The following FRS2 variants were observed in gnomAD, a reference collection of about 807,000 sequenced individuals.
FRS2 encodes the protein fibroblast growth factor receptor substrate 2.
FRS2 carries 8 observed loss-of-function variants against 43.9 expected under a neutral mutation model. The ratio of observed to expected loss-of-function variants is 0.18; its 90% CI spans 0.11 to 0.33. FRS2 has a LOEUF of 0.33. Among genes scored for constraint, FRS2 ranks in the 10% least tolerant of loss-of-function variants. The pLI is 1.00. For synonymous variants in FRS2, 219 were observed against 220.3 expected (o/e 0.99, Z 0.05); for missense variants, 534 against 627.6 (o/e 0.85, Z 1.59).
chr12:69,527,872 T>C (rs1876414092), intron 1 of FRS2, among the ~76,000 whole-genome samples: 1 of 152,222 alleles, frequency 6.6e-6, no homozygotes, highest in Non-Finnish European at 1.5e-5. Context: ...GATTTGAACA[T>C]TAAATTTCAT....
intron 1 of FRS2, among the ~76,000 whole-genome samples, chr12:69,520,631 A>T (rs1386617702): frequency 6.6e-5 from 10 of 152,150 alleles, no homozygotes; most frequent in Non-Finnish European, 4.4e-5. Context: ...AGTCTTCTGC[A>T]TATGGCTATC....
At chr12:69,474,779 C>G (rs1870617843) in intron 1 of FRS2, among the ~76,000 whole-genome samples, 2 of 152,184 alleles carry the variant, frequency 1.3e-5, no homozygotes. Flanking sequence ...AAGCAAATCT[C>G]TGATACAGTA....
At chr12:69,513,152 T>C (rs572740462) in intron 1 of FRS2, among the ~76,000 whole-genome samples, 1,076 of 18,830 alleles carry the variant, frequency 0.057, 16 homozygotes, top group African/African-American at 0.36. Context: ...TTGGAGTTTG[T>C]TTTTTTTTTT....
At chr12:69,538,645 A>C (rs1877574070) in intron 3 of FRS2, among the ~76,000 whole-genome samples, 1 of 152,176 alleles carries the variant, frequency 6.6e-6, no homozygotes, top group Non-Finnish European at 1.5e-5. Context: ...CATTTGAATT[A>C]AGATGGATTC....
chr12:69,576,426 A>G lies in FRS2; in HGVS notation c.*1471A>G, dbSNP rs558484806. On this transcript the variant is annotated 3_prime_UTR_variant, in exon 9 of 9. Transcript: ENST00000549921. Reference sequence around the variant, plus strand: ...TCTCCATATGTCAAACTCTTGGAAAATCAAAGATGTTCCAATTTCCTAAAC... The same window carrying G: ...TCTCCATATGTCAAACTCTTGGAAAGTCAAAGATGTTCCAATTTCCTAAAC... The G allele has an allele frequency of 3.3e-5, 5 of 152,348 alleles. No homozygotes were observed. The South Asian group carries it at 1.0e-3, about 32-fold the overall frequency. The allele number at this position is 152,348 out of a possible 1,614,324, so 9.4% of individuals were successfully genotyped here. A position where few individuals can be genotyped will look rare whatever the true frequency, so the allele number is the denominator to read the frequency against.
At chr12:69,513,386 C>T (rs984103070) in intron 1 of FRS2, among the ~76,000 whole-genome samples, 2 of 151,960 alleles carry the variant, frequency 1.3e-5, no homozygotes, top group African/African-American at 4.8e-5. Flanking sequence ...TAACTGGCTC[C>T]TGAGAATAGG....
chr12:69,497,945 A>T (rs1592940385), intron 1 of FRS2, among the ~76,000 whole-genome samples: 1 of 152,314 alleles, frequency 6.6e-6, no homozygotes, highest in Middle Eastern at 3.4e-3. Flanking sequence ...GGTGATTATG[A>T]GAGTATAACT....
At chr12:69,494,936 G>C (rs1027709104) in intron 1 of FRS2, among the ~76,000 whole-genome samples, 1 of 152,002 alleles carries the variant, frequency 6.6e-6, no homozygotes, top group Non-Finnish European at 1.5e-5. Flanking sequence ...ATCACGCCCA[G>C]CTAATTTTTA....
chr12:69,527,553 G>A (rs933615188), intron 1 of FRS2, among the ~76,000 whole-genome samples: 7 of 151,752 alleles, frequency 4.6e-5, no homozygotes, highest in Non-Finnish European at 1.0e-4. Flanking sequence ...GGGATTTGTC[G>A]TTAATAACTG....
Position 69,478,831 on chromosome 12 carries a change from T to C in FRS2, c.-261+8301T>C, listed in dbSNP as rs368515800. On this transcript the variant is annotated intron_variant, in intron 1 of 8. Coordinates refer to ENST00000549921, the MANE Select transcript of FRS2 (RefSeq NM_001278356.2). ...AAAAAACAGAACACTGCCAGCACCT[T>C]TGATGGCCGTTCATGTTTCTCACTA... Among the ~76,000 whole-genome samples the C allele has an allele frequency of 3.9e-5, 6 of 152,118 alleles. No homozygotes were observed. In the East Asian group the frequency reaches 5.8e-4, roughly 15 times the overall value.
chr12:69,499,872 G>A (rs1873276965), intron 1 of FRS2, among the ~76,000 whole-genome samples: 1 of 152,094 alleles, frequency 6.6e-6, no homozygotes, highest in Non-Finnish European at 1.5e-5. Flanking sequence ...GGAATCTGGA[G>A]CTTAGTTGAG....
chr12:69,557,414 A>G (rs961306496), intron 3 of FRS2, among the ~76,000 whole-genome samples: 4 of 152,182 alleles, frequency 2.6e-5, no homozygotes, highest in African/African-American at 7.2e-5. Context: ...TCTTACTGCT[A>G]CCTTAAAAGC....
intron 3 of FRS2, among the ~76,000 whole-genome samples, chr12:69,545,389 CA>C: frequency 6.6e-6 from 1 of 152,144 alleles, no homozygotes; most frequent in Non-Finnish European, 1.5e-5. Flanking sequence ...AACTTAACTA[CA>C]AAGCTACAGT....
At chr12:69,490,863 T>A (rs1054497087) in intron 1 of FRS2, among the ~76,000 whole-genome samples, 2 of 152,208 alleles carry the variant, frequency 1.3e-5, no homozygotes, top group Non-Finnish European at 2.9e-5. Flanking sequence ...TGCCTAGAGA[T>A]AAAAGAGTAG....
At chr12:69,486,853 C>G (rs1206614480) in intron 1 of FRS2, among the ~76,000 whole-genome samples, 2 of 152,070 alleles carry the variant, frequency 1.3e-5, no homozygotes, top group Non-Finnish European at 2.9e-5. Flanking sequence ...TAATTCTGTT[C>G]AATTATATGA....
At chr12:69,473,385 A>G (rs1361695613) in intron 1 of FRS2, among the ~76,000 whole-genome samples, 1 of 152,222 alleles carries the variant, frequency 6.6e-6, no homozygotes, top group Non-Finnish European at 1.5e-5. Flanking sequence ...TTTCTAAGAC[A>G]AAGATTTATG....
In FRS2 at chr12:69,558,419, G is replaced by A. The variant is rs117568790; in HGVS notation, c.-121-3761G>A. On this transcript the variant is annotated intron_variant, in intron 3 of 8. Coordinates refer to ENST00000549921, the MANE Select transcript of FRS2 (RefSeq NM_001278356.2). ...AAATGTGAATTACCCTCAGTAGTACGAACTGACCCTTGGTGAAATGGCCAT... is the reference window on the plus strand; with the variant it reads ...AAATGTGAATTACCCTCAGTAGTACAAACTGACCCTTGGTGAAATGGCCAT... Among the ~76,000 whole-genome samples the A allele has an allele frequency of 2.1e-3, 318 of 152,300 alleles. 1 individual carries two copies. Among genetic ancestry groups the A allele is most frequent in the Non-Finnish European group, 2.3e-3 (156 of 68,018 alleles).
intron 1 of FRS2, among the ~76,000 whole-genome samples, chr12:69,522,158 A>T (rs182148976): frequency 6.6e-6 from 1 of 150,406 alleles, no homozygotes; most frequent in Non-Finnish European, 1.5e-5. Flanking sequence ...TTTTGCATCT[A>T]TGTTTATCAA....
chr12:69,525,769 T>G (rs1213637620), intron 1 of FRS2, among the ~76,000 whole-genome samples: 1 of 152,122 alleles, frequency 6.6e-6, no homozygotes, highest in African/African-American at 2.4e-5. Flanking sequence ...TAAAAGAATG[T>G]TGGTTTTTGC....
Sources: gnomAD v4.1 joint callset for allele counts (sites outside exome capture counted in the v4.1 genomes callset) on GRCh38, gnomAD v4.1.1 for gene constraint, MANE v1.5 for transcripts, NCBI Gene and HGNC (gene_info 2026-07-23, HGNC 2026-07-21) for gene names.